The following CHRM3 variants were observed in gnomAD, a reference collection of about 807,000 sequenced individuals.
CHRM3 encodes the protein cholinergic receptor muscarinic 3.
CHRM3 carries 11 observed loss-of-function variants against 41.8 expected under a neutral mutation model. The ratio of observed to expected loss-of-function variants is 0.26; its 90% CI spans 0.17 to 0.44. The LOEUF is 0.44. CHRM3 is among the 20% of genes least tolerant of loss of function. The pLI is 1.00. For synonymous variants in CHRM3, 297 were observed against 301.4 expected (o/e 0.99, Z 0.15); for missense variants, 571 against 745.4 (o/e 0.77, Z 2.72).
intron 2 of CHRM3, among the ~76,000 whole-genome samples, chr1:239,505,490 C>T (rs1027057796): frequency 1.3e-5 from 2 of 152,148 alleles, no homozygotes; most frequent in Non-Finnish European, 2.9e-5. Context: ...TGCACAAGCT[C>T]TCTTCTCTTG....
At chr1:239,613,754 C>T (rs1279486700) in intron 3 of CHRM3, among the ~76,000 whole-genome samples, 2 of 152,092 alleles carry the variant, frequency 1.3e-5, no homozygotes, top group East Asian at 1.9e-4. Context: ...CTCATTCTGA[C>T]TTACTCTCTT....
At chr1:239,446,149 A>G (rs187417571) in intron 1 of CHRM3, among the ~76,000 whole-genome samples, 367 of 152,130 alleles carry the variant, frequency 2.4e-3, no homozygotes, top group Non-Finnish European at 4.3e-3. Flanking sequence ...GTTGGCCAGG[A>G]TGGTCTTGAT....
At chr1:239,796,692 C>A (rs1393020897) in intron 5 of CHRM3, among the ~76,000 whole-genome samples, 1 of 152,126 alleles carries the variant, frequency 6.6e-6, no homozygotes, top group Non-Finnish European at 1.5e-5. Flanking sequence ...AGTCACACTG[C>A]AAGACCTTTT....
chr1:239,726,486 G>T (rs1193784600), intron 5 of CHRM3, among the ~76,000 whole-genome samples: 1 of 151,776 alleles, frequency 6.6e-6, no homozygotes, highest in South Asian at 2.1e-4. Context: ...CATTTGCCTC[G>T]TGGCTGGGTT....
intron 5 of CHRM3, among the ~76,000 whole-genome samples, chr1:239,743,483 G>A (rs1665037977): frequency 6.6e-6 from 1 of 152,148 alleles, no homozygotes; most frequent in Non-Finnish European, 1.5e-5. Context: ...AATAATAGTA[G>A]CAGCTGACAT....
Position 239,387,334 on chromosome 1 carries a change from G to C in CHRM3, c.-521+107G>C, listed in dbSNP as rs539300124. 1 of 152,064 alleles carries C rather than the reference G, an allele frequency of 6.6e-6. No homozygotes were observed. Among genetic ancestry groups the C allele is most frequent in the Non-Finnish European group, 1.5e-5 (1 of 68,092 alleles). The allele number at this position is 152,064 out of a possible 1,614,324, so 9.4% of individuals were successfully genotyped here. On this transcript the variant is annotated intron_variant, in intron 1 of 6. Transcript: ENST00000676153. This position sits in a 1 kb window ranked among gnomAD's most constrained non-coding sequence, Gnocchi z 5.1. ...GCGAAAGGAGGAAAAAGTTTTCGGC[G>C]CGGGTAGGAGAGGTCTTGTGTTTGG...
At chr1:239,691,195 A>G (rs1019592700) in intron 5 of CHRM3, among the ~76,000 whole-genome samples, 1 of 152,086 alleles carries the variant, frequency 6.6e-6, no homozygotes, top group African/African-American at 2.4e-5. Context: ...GATGGGCTTC[A>G]AGGGCAAATT....
At chr1:239,510,045 T>G (rs1572547020) in intron 2 of CHRM3, among the ~76,000 whole-genome samples, 1 of 152,250 alleles carries the variant, frequency 6.6e-6, no homozygotes, top group South Asian at 2.1e-4. Context: ...GCCGAGATCA[T>G]GCCACTGCAC....
intron 5 of CHRM3, among the ~76,000 whole-genome samples, chr1:239,754,817 A>G (rs569875086): frequency 5.2e-4 from 79 of 152,286 alleles, no homozygotes; most frequent in African/African-American, 1.8e-3. Context: ...TTTCAAATTC[A>G]TGAGTTACGG....
At chr1:239,514,213 C>T (rs1467947026) in intron 2 of CHRM3, among the ~76,000 whole-genome samples, 1 of 152,066 alleles carries the variant, frequency 6.6e-6, no homozygotes, top group Non-Finnish European at 1.5e-5. Flanking sequence ...AATCAATAGA[C>T]CAAGTTGAGA....
chr1:239,581,992 A>C (rs1051715876), intron 3 of CHRM3, among the ~76,000 whole-genome samples: 1 of 152,244 alleles, frequency 6.6e-6, no homozygotes, highest in Non-Finnish European at 1.5e-5. Context: ...GAAAGAATAC[A>C]TGTAAATATC....
intron 3 of CHRM3, among the ~76,000 whole-genome samples, chr1:239,569,147 A>C (rs1424036831): frequency 6.6e-6 from 1 of 152,216 alleles, no homozygotes; most frequent in Admixed American, 6.5e-5. Flanking sequence ...TGCACATGTA[A>C]ATATAATATT....
intron 2 of CHRM3, among the ~76,000 whole-genome samples, chr1:239,510,438 C>T (rs779205313): frequency 2.6e-5 from 4 of 152,102 alleles, no homozygotes; most frequent in Non-Finnish European, 4.4e-5. Flanking sequence ...TTGTGACCAT[C>T]ACAGAGAGGC....
At chr1:239,599,572 A>G (rs1289308583) in intron 3 of CHRM3, among the ~76,000 whole-genome samples, 1 of 152,010 alleles carries the variant, frequency 6.6e-6, no homozygotes, top group Non-Finnish European at 1.5e-5. Flanking sequence ...GTGTTTCATA[A>G]CTTAGGGTAC....
intron 2 of CHRM3, among the ~76,000 whole-genome samples, chr1:239,524,051 C>T (rs1669831794): frequency 6.6e-6 from 1 of 152,184 alleles, no homozygotes; most frequent in Admixed American, 6.5e-5. Context: ...TACCACATTT[C>T]TCAGCTTTAA....
chr1:239,621,326 A>G (rs1048626723), intron 3 of CHRM3, among the ~76,000 whole-genome samples: 2 of 152,162 alleles, frequency 1.3e-5, no homozygotes, highest in African/African-American at 2.4e-5. Context: ...TATTGAAATT[A>G]GGCCAATTAA....
At chr1:239,758,597 C>G (rs73122574) in intron 5 of CHRM3, among the ~76,000 whole-genome samples, 1 of 152,100 alleles carries the variant, frequency 6.6e-6, no homozygotes, top group South Asian at 2.1e-4. Context: ...TTTGAGCTAA[C>G]TGAAATTATT....
At chr1:239,769,016 C>T (rs1329273314) in intron 5 of CHRM3, among the ~76,000 whole-genome samples, 3 of 152,098 alleles carry the variant, frequency 2.0e-5, no homozygotes, top group East Asian at 1.9e-4. Context: ...CCACCCACCT[C>T]GGCCTCCCCA....
At chr1:239,703,827 A>G (rs536632918) in intron 5 of CHRM3, 2 of 152,284 alleles carry the variant, frequency 1.3e-5, no homozygotes, top group Non-Finnish European at 2.9e-5. Context: ...ATAAAATATA[A>G]TGGAGGAAAC....
Sources: gnomAD v4.1 joint callset for allele counts (sites outside exome capture counted in the v4.1 genomes callset) on GRCh38, gnomAD v4.1.1 for gene constraint, Gnocchi (gnomAD v3.1) non-coding constraint, MANE v1.5 for transcripts, NCBI Gene and HGNC (gene_info 2026-07-23, HGNC 2026-07-21) for gene names.